The following FAM177A1 variants were observed in gnomAD, a reference collection of about 807,000 sequenced individuals.
The protein encoded by FAM177A1 is family with sequence similarity 177 member A1, also known as protein FAM177A1.
A neutral mutation model predicts 26.1 loss-of-function variants in FAM177A1; 22 were observed. That is an observed-to-expected ratio of 0.84 (90% CI 0.60 to 1.20). The LOEUF (loss-of-function observed/expected upper bound fraction) is 1.20. Ranked by LOEUF, FAM177A1 falls within the 50% of genes most tolerant of loss-of-function variation. FAM177A1 has a pLI of 0.00. For missense variants in FAM177A1, 296 were observed against 291.1 expected, an observed-to-expected ratio of 1.02 and a Z score of -0.12; for synonymous variants, 95 against 99.3, an observed-to-expected ratio of 0.96 and a Z score of 0.26.
intron 2 of FAM177A1, among the ~76,000 whole-genome samples, chr14:35,070,602 A>G (rs1221168342): frequency 6.6e-6 from 1 of 152,208 alleles, no homozygotes; most frequent in Non-Finnish European, 1.5e-5. Flanking sequence ...TGCTGGGATT[A>G]CAGGCGTGAG....
intron 2 of FAM177A1, among the ~76,000 whole-genome samples, chr14:35,063,920 A>G (rs1030179162): frequency 6.7e-6 from 1 of 148,432 alleles, no homozygotes; most frequent in Non-Finnish European, 1.5e-5. Context: ...TGGTGGCACA[A>G]GCCTGTAATC....
chr14:35,064,315 A>G (rs1257298815), intron 2 of FAM177A1, among the ~76,000 whole-genome samples: 1 of 152,116 alleles, frequency 6.6e-6, no homozygotes, highest in African/African-American at 2.4e-5. Context: ...TGAACCTGGG[A>G]GATGGAGGTT....
chr14:35,073,003 A>G (rs1377503920), intron 2 of FAM177A1, among the ~76,000 whole-genome samples: 2 of 152,172 alleles, frequency 1.3e-5, no homozygotes, highest in South Asian at 2.1e-4. Context: ...TTCTATAACA[A>G]TGGCATCTTC....
chr14:35,059,233 C>CT (rs1439980022), intron 2 of FAM177A1, among the ~76,000 whole-genome samples: 1 of 151,572 alleles, frequency 6.6e-6, no homozygotes, highest in East Asian at 2.0e-4. Context: ...CCAGTGTGAG[C>CT]TTTTTTATAG....
intron 1 of FAM177A1, among the ~76,000 whole-genome samples, chr14:35,047,603 G>T (rs1468135099): frequency 6.6e-6 from 1 of 152,170 alleles, no homozygotes; most frequent in Non-Finnish European, 1.5e-5. Flanking sequence ...ACAAAAATTA[G>T]CTGGGCGTGG....
chr14:35,080,912 CTTTTTT>C (rs71435851), intron 4 of FAM177A1, 104 bp from the exon 5 acceptor site: 11 of 1,079,594 alleles, frequency 1.0e-5, no homozygotes, highest in Non-Finnish European at 1.2e-5. Flanking sequence ...GAACATGACA[CTTTTTT>C]TTTTTTTTTT....
At chr14:35,063,658 C>G (rs2045194708) in intron 2 of FAM177A1, among the ~76,000 whole-genome samples, 1 of 152,126 alleles carries the variant, frequency 6.6e-6, no homozygotes, top group African/African-American at 2.4e-5. Context: ...GTCCTGCACC[C>G]AGATTTAGTA....
At chr14:35,046,255 C>G (rs1566664141), upstream of FAM177A1, 1 of 462,926 alleles carries the variant, frequency 2.2e-6, no homozygotes, top group Non-Finnish European at 3.6e-6. Flanking sequence ...CCGCGCGAGC[C>G]GGTAGTTGCG....
In FAM177A1 at chr14:35,058,500, A is replaced by G. The variant is rs950742771; in HGVS notation, c.339+5049A>G. On this transcript the variant is annotated intron_variant, in intron 2 of 4. Coordinates refer to ENST00000280987, the MANE Select transcript of FAM177A1 (RefSeq NM_173607.5). ...TTAAATTAACTGCATATGTATTTAT[A>G]ATTTCATATCTTCCTGATAGATTGA... Among the ~76,000 whole-genome samples the G allele has an allele frequency of 5.9e-5, 9 of 152,298 alleles. No homozygotes were observed. The East Asian group carries it at 1.7e-3, about 29-fold the overall frequency.
intron 2 of FAM177A1, 66 bp downstream of exon 2, chr14:35,053,517 C>G: frequency 8.7e-6 from 13 of 1,491,642 alleles, no homozygotes; most frequent in Non-Finnish European, 1.2e-5. Context: ...TTTCCCTAAA[C>G]ATTGAGTGGA....
intron 2 of FAM177A1, among the ~76,000 whole-genome samples, chr14:35,061,812 G>A (rs530500508): frequency 3.3e-5 from 5 of 151,478 alleles, no homozygotes; most frequent in South Asian, 2.1e-4. Flanking sequence ...CTCTGCTGGC[G>A]TAGAACTTGC....
At chr14:35,079,601 C>G (rs934512201) in intron 4 of FAM177A1, among the ~76,000 whole-genome samples, 2 of 152,112 alleles carry the variant, frequency 1.3e-5, no homozygotes, top group African/African-American at 2.4e-5. Context: ...AACTTTGTAA[C>G]CTTGGACAGA....
At chr14:35,076,477 G>A (rs962765777) in intron 2 of FAM177A1, among the ~76,000 whole-genome samples, 3 of 151,962 alleles carry the variant, frequency 2.0e-5, no homozygotes, top group African/African-American at 2.4e-5. Flanking sequence ...AGCATTAGGA[G>A]ATATACCTAA....
chr14:35,047,108 G>C (rs1351078566), intron 1 of FAM177A1: 1 of 688,866 alleles, frequency 1.5e-6, no homozygotes, highest in Admixed American at 6.3e-5. Flanking sequence ...CCATTTCACC[G>C]CCGAGGCAAC....
At chr14:35,072,720 T>G (rs559648765) in intron 2 of FAM177A1, among the ~76,000 whole-genome samples, 1 of 152,148 alleles carries the variant, frequency 6.6e-6, no homozygotes, top group East Asian at 1.9e-4. Flanking sequence ...TTTTACATCT[T>G]CTTCATTATC....
chr14:35,080,958 C>G (rs759422257), intron 4 of FAM177A1, 64 bp from the exon 5 acceptor site: 15 of 1,262,966 alleles, frequency 1.2e-5, no homozygotes, highest in Non-Finnish European at 1.4e-5. Context: ...GTGGGGAAAA[C>G]AGCACTATAT....
At chr14:35,062,880 GT>G (rs78710117) in intron 2 of FAM177A1, among the ~76,000 whole-genome samples, 207 of 134,980 alleles carry the variant, frequency 1.5e-3, no homozygotes, top group Non-Finnish European at 2.2e-3. Context: ...TTTATTTGCG[GT>G]TTTTTTTTTT....
chr14:35,066,088 A>G lies in FAM177A1; in HGVS notation c.340-11062A>G, dbSNP rs147722969. Reference sequence around the variant, plus strand: ...TTTTTTAAATTTTTTTCTTTTTGAGACAAGGTCTTCCTCTGTTGCCCAGGC... The same window carrying G: ...TTTTTTAAATTTTTTTCTTTTTGAGGCAAGGTCTTCCTCTGTTGCCCAGGC... On this transcript the variant is annotated intron_variant, in intron 2 of 4. Transcript: ENST00000280987. Among the ~76,000 whole-genome samples, 574 of 152,116 alleles carry G rather than the reference A, an allele frequency of 3.8e-3. 6 individuals carry two copies. The highest frequency in any genetic ancestry group is 0.013 in the African/African-American group (548 of 41,520).
chr14:35,067,801 T>A (rs1160431863), intron 2 of FAM177A1, among the ~76,000 whole-genome samples: 2 of 152,234 alleles, frequency 1.3e-5, no homozygotes, highest in Admixed American at 6.5e-5. Flanking sequence ...TTTTTTCATA[T>A]ATCTGTTGAC....
Sources: gnomAD v4.1 joint callset for allele counts (sites outside exome capture counted in the v4.1 genomes callset) on GRCh38, gnomAD v4.1.1 for gene constraint, MANE v1.5 for transcripts, NCBI Gene and HGNC (gene_info 2026-07-23, HGNC 2026-07-21) for gene names.